Variants in PLEC observed in about 807,000 individuals in gnomAD.
PLEC encodes hemidesmosomal protein 1.
In PLEC, 216 loss-of-function variants were observed where a neutral mutation model predicts 392.8. The observed-to-expected ratio is 0.55, with a 90% CI of 0.49 to 0.62. The LOEUF (loss-of-function observed/expected upper bound fraction) is 0.62, where lower values mean the gene tolerates loss of function less well. PLEC is among the 20% of genes least tolerant of loss of function. PLEC has a pLI of 0.00. For synonymous variants in PLEC, 3,621 were observed against 2,980.6 expected, an observed-to-expected ratio of 1.21 and a Z score of -7.00; for missense variants, 6,863 against 6,563.4, an observed-to-expected ratio of 1.05 and a Z score of -1.58.
intron 16 of PLEC, 40 bp from the exon 17 acceptor site, chr8:143,932,274 A>C (rs1827553958): frequency 6.2e-7 from 1 of 1,608,498 alleles, no homozygotes; most frequent in Admixed American, 1.7e-5. Context: ...GGCCGGCCAC[A>C]CCCGGCTCTG....
chr8:143,975,825 AG>A (rs1179559672), upstream of PLEC, among the ~76,000 whole-genome samples: 2 of 152,026 alleles, frequency 1.3e-5, no homozygotes, highest in African/African-American at 2.4e-5. The surrounding 1 kb of genome is among the most constrained non-coding windows in gnomAD (Gnocchi z 9.9). Flanking sequence ...TGGAAGGGGA[AG>A]GGGTGACTAC....
upstream of PLEC, chr8:143,973,624 C>CG (rs1833551623): frequency 1.3e-6 from 1 of 762,058 alleles, no homozygotes; most frequent in Non-Finnish European, 1.6e-6. This position sits in a 1 kb window ranked among gnomAD's most constrained non-coding sequence, Gnocchi z 5.6. Context: ...GGGGCGGGGC[C>CG]GGGGCCGCCG....
chr8:143,960,214 G>A (rs1242682736), intron 1 of PLEC, among the ~76,000 whole-genome samples: 1 of 151,946 alleles, frequency 6.6e-6, no homozygotes, highest in Non-Finnish European at 1.5e-5. Flanking sequence ...CTCGGAGGGC[G>A]GAGGTTGCAG....
Position 143,925,182 on chromosome 8 carries a change from C to A in PLEC, c.4747G>T (p.Ala1583Ser), listed in dbSNP as rs981516995. 6.4e-7 allele frequency: 1 copy of A among 1,574,524 alleles called. No homozygotes were observed. Among genetic ancestry groups the A allele is most frequent in the African/African-American group, 1.3e-5 (1 of 74,460 alleles). The change falls in exon 31 of 32, where the codon GCC becomes TCC. Residue 1583 changes from alanine (A) to serine (S), a missense_variant. Coordinates refer to ENST00000345136, the MANE Select transcript of PLEC (RefSeq NM_201384.3). Reference protein sequence around the residue: ...SAEAELQSKRASFAEKTAQLE... With the variant: ...SAEAELQSKRSSFAEKTAQLE... ...TGTGCCGTCTTCTCGGCGAAGGAGG[C>A]GCGTTTGCTCTGCAGCTCCGCCTCT...
At chr8:143,972,456 A>G (rs1833478280) in intron 1 of PLEC, among the ~76,000 whole-genome samples, 1 of 152,206 alleles carries the variant, frequency 6.6e-6, no homozygotes, top group African/African-American at 2.4e-5. Flanking sequence ...TCGGGGCACC[A>G]TGAAACCTAC....
At chr8:143,975,384 G>T, upstream of PLEC, 1 of 1,602,754 alleles carries the variant, frequency 6.2e-7, no homozygotes. The surrounding 1 kb of genome is among the most constrained non-coding windows in gnomAD (Gnocchi z 9.9). Context: ...TCCTGGAAGG[G>T]GAGCAGGAGG....
Position 143,925,293 on chromosome 8 carries a change from C to T in PLEC, c.4636G>A (p.Glu1546Lys). The change falls in exon 31 of 32, where the codon GAG (glutamate) becomes AAG (lysine). Residue 1546 changes from glutamate (E) to lysine (K), a missense_variant. By Grantham distance (56) the Glu-to-Lys change is moderately conservative (BLOSUM62 1). Coordinates refer to ENST00000345136, the MANE Select transcript of PLEC (RefSeq NM_201384.3). The part of the protein sequence containing the change: ...QALEELRLQA[E>K]EAERRLRQAE... ...TGCCGCAGGCGCCGCTCCGCCTCCT[C>T]CGCCTGCAGCCGCAGCTCCTCCAGG... 6.4e-7 allele frequency: 1 copy of T among 1,573,132 alleles called. No homozygotes were observed. The highest frequency in any genetic ancestry group is 8.6e-7 in the Non-Finnish European group (1 of 1,168,236).
upstream of PLEC, chr8:143,950,919 C>CCGGCA: frequency 1.0e-6 from 1 of 979,610 alleles, no homozygotes; most frequent in Admixed American, 3.3e-5. Context: ...GCAATCCCTG[C>CCGGCA]CGGCACTGCC....
rs782141284 is a variant in PLEC, at chr8:143,973,391, G to T, written c.70+12C>A. ...GGAGCGGCCCGACAGGCAGCGGGAC[G>T]GGGGGCCGTACCTTTGTACTTCTCG... On this transcript the variant is annotated intron_variant, in intron 1 of 31. Coordinates refer to the PLEC transcript ENST00000356346. This position sits in a 1 kb window ranked among gnomAD's most constrained non-coding sequence, Gnocchi z 5.6. The T allele has an allele frequency of 7.7e-6, 12 of 1,559,272 alleles. No homozygotes were observed. The African/African-American group carries it at 9.7e-5, about 13-fold the overall frequency.
At chr8:143,925,981 C>A (rs988797569) in intron 30 of PLEC, 97 bp from the exon 31 acceptor site, 10 of 1,330,474 alleles carry the variant, frequency 7.5e-6, no homozygotes, top group Admixed American at 2.0e-5. Flanking sequence ...TCAGACAGCG[C>A]GGAGCAGGGG....
intron 18 of PLEC, 134 bp from the exon 19 acceptor site, chr8:143,931,793 CT>C (rs1460983000): frequency 3.1e-5 from 45 of 1,469,068 alleles, no homozygotes; most frequent in Middle Eastern, 2.4e-4. Flanking sequence ...GGGAGCACCC[CT>C]GTCCAAGGCC....
chr8:143,956,963 C>T (rs1460485277), upstream of PLEC, among the ~76,000 whole-genome samples: 9 of 152,146 alleles, frequency 5.9e-5, no homozygotes, highest in African/African-American at 2.2e-4. Flanking sequence ...GGGGACGGGC[C>T]GCAGGCAGCC....
upstream of PLEC, among the ~76,000 whole-genome samples, chr8:143,941,932 C>G (rs1554728936): frequency 6.6e-6 from 1 of 152,170 alleles, no homozygotes; most frequent in African/African-American, 2.4e-5. Context: ...GGAGTATCGC[C>G]CCCGTTTTAC....
In PLEC at chr8:143,950,285, C is replaced by CG; in HGVS notation, c.421dup (p.Arg141ProfsTer6). On this transcript the variant is annotated frameshift_variant, in exon 1 of 32. Transcript: ENST00000322810. LOFTEE classifies it high-confidence loss of function. ...TGACACCTCCTCAAGCTCCTTCCGA[C>CG]GGTAGACCCGCTGCTCCTCCGTCGG... is the stretch of plus-strand genomic sequence containing the variant. 6.4e-7 allele frequency: 1 copy of CG among 1,570,518 alleles called. No individual in the cohort carries two copies. The highest frequency in any genetic ancestry group is 8.6e-7 in the Non-Finnish European group (1 of 1,158,196).
upstream of PLEC, among the ~76,000 whole-genome samples, chr8:143,957,707 C>T (rs1485226420): frequency 1.3e-5 from 2 of 152,206 alleles, no homozygotes; most frequent in Non-Finnish European, 1.5e-5. Context: ...CCCTGTCCCC[C>T]ACACCACACC....
chr8:143,948,773 A>C (rs1248604818), intron 1 of PLEC, among the ~76,000 whole-genome samples: 1 of 152,138 alleles, frequency 6.6e-6, no homozygotes, highest in African/African-American at 2.4e-5. Flanking sequence ...AAGGAAGGAG[A>C]AAAAGGAGGG....
In PLEC at chr8:143,920,536, C is replaced by G. The variant is rs1822245236; in HGVS notation, c.9285G>C (p.Leu3095=). Residue 3095 remains leucine (L), a synonymous_variant, in exon 32 of 32, where the codon CTG becomes CTC. Coordinates refer to ENST00000345136, the MANE Select transcript of PLEC (RefSeq NM_201384.3). Reference sequence around the variant, plus strand: ...CTGTCACAGCCTTCTCGGCTGATAGCAGCTTCTCATGAAACTCGGGGCCCA... The same window carrying G: ...CTGTCACAGCCTTCTCGGCTGATAGGAGCTTCTCATGAAACTCGGGGCCCA... ...GLVGPEFHEK[L]LSAEKAVTGY... is the part of the protein sequence containing the mutation. 5.6e-6 allele frequency: 9 copies of G among 1,611,576 alleles called. No individual in the cohort carries two copies. Among genetic ancestry groups the G allele is most frequent in the Non-Finnish European group, 7.6e-6 (9 of 1,179,632 alleles).
intron 1 of PLEC, among the ~76,000 whole-genome samples, chr8:143,972,980 G>A (rs1482790966): frequency 2.6e-5 from 4 of 152,210 alleles, no homozygotes; most frequent in African/African-American, 9.6e-5. Flanking sequence ...AGGGAGGTGA[G>A]GAGAGGCGGC....
At position 143,927,942 on chromosome 8, in the gene PLEC, A is replaced by G; in HGVS notation, c.3311T>C (p.Val1104Ala). 6.2e-7 allele frequency: 1 copy of G among 1,603,072 alleles called. No homozygotes were observed. The highest frequency in any genetic ancestry group is 1.1e-5 in the South Asian group (1 of 89,808). The change falls in exon 26 of 32, where the codon GTG becomes GCG. Residue 1104 changes from valine (V) to alanine (A), a missense_variant. Transcript: ENST00000345136. The part of the protein sequence containing the change: ...VIRGTQGAEE[V>A]LRAHEEQLKE... ...GAGCTGCTCCTCGTGGGCCCTGAGC[A>G]CCTCCTCGGCCCCCTGCGTGCCGCG...
Sources: allele counts gnomAD v4.1 joint callset (sites outside exome capture counted in the v4.1 genomes callset), GRCh38; gene constraint gnomAD v4.1.1; non-coding constraint Gnocchi (gnomAD v3.1); transcripts MANE v1.5; gene names NCBI Gene and HGNC (gene_info 2026-07-23, HGNC 2026-07-21).